ARL6: variants seen among roughly 807,000 people sequenced by gnomAD.
ARL6 encodes ADP-ribosylation factor-like protein 6.
A neutral mutation model predicts 27.1 loss-of-function variants in ARL6; 18 were observed. The observed-to-expected ratio is 0.66, with a 90% CI of 0.46 to 0.98. The LOEUF is 0.98. ARL6 is among the 50% of genes least tolerant of loss of function. The pLI, the probability that ARL6 is intolerant of heterozygous loss-of-function variation, is 0.00. For missense variants in ARL6, 187 were observed against 214.9 expected, an observed-to-expected ratio of 0.87 and a Z score of 0.81; for synonymous variants, 65 against 72.3, an observed-to-expected ratio of 0.90 and a Z score of 0.51.
intron 7 of ARL6, among the ~76,000 whole-genome samples, chr3:97,794,566 C>T (rs1454691349): frequency 6.6e-6 from 1 of 151,832 alleles, no homozygotes; most frequent in African/African-American, 2.4e-5. Context: ...GTCATATTCC[C>T]AACTGTCTCT....
intron 4 of ARL6, among the ~76,000 whole-genome samples, chr3:97,783,164 A>G (rs1338795910): frequency 6.6e-6 from 1 of 151,632 alleles, no homozygotes; most frequent in Non-Finnish European, 1.5e-5. Flanking sequence ...AGAAGAGAAT[A>G]TTGAAAACAT....
At chr3:97,783,478 G>A (rs968713192) in intron 4 of ARL6, among the ~76,000 whole-genome samples, 12 of 151,712 alleles carry the variant, frequency 7.9e-5, no homozygotes, top group African/African-American at 2.4e-4. Context: ...TTTGAAAATT[G>A]TAAACAGTCC....
intron 5 of ARL6, among the ~76,000 whole-genome samples, chr3:97,785,348 A>G (rs1477512355): frequency 1.3e-5 from 2 of 151,026 alleles, no homozygotes; most frequent in Non-Finnish European, 3.0e-5. Context: ...AAAAAAAAAA[A>G]AAATCAGATG....
chr3:97,799,886 T>C lies in ARL6; in HGVS notation c.*1837T>C, dbSNP rs1274829369. 7 of 152,128 alleles carry C rather than the reference T, an allele frequency of 4.6e-5. No individual in the cohort carries two copies. The highest frequency in any genetic ancestry group is 8.8e-5 in the Non-Finnish European group (6 of 67,986). 9.4% of individuals were successfully genotyped at this position (152,128 alleles called of 1,614,324 possible). A position where few individuals can be genotyped will look rare whatever the true frequency, so the allele number is the denominator to read the frequency against. On this transcript the variant is annotated 3_prime_UTR_variant, in exon 8 of 8. Coordinates refer to ENST00000463745, the MANE Select transcript of ARL6 (RefSeq NM_001278293.3). The stretch of plus-strand genomic sequence containing the variant: ...GTATGATAGATATTAGAAATACAGA[T>C]ATATCTGCCAGAATAACAATTAAAA...
intron 4 of ARL6, among the ~76,000 whole-genome samples, chr3:97,782,795 T>C (rs1389308391): frequency 6.6e-6 from 1 of 151,158 alleles, no homozygotes; most frequent in Non-Finnish European, 1.5e-5. Flanking sequence ...CTATAAATAT[T>C]TATCTTTGCT....
intron 2 of ARL6, among the ~76,000 whole-genome samples, chr3:97,774,345 G>A (rs1390641176): frequency 6.7e-6 from 1 of 149,518 alleles, no homozygotes; most frequent in African/African-American, 2.5e-5. Context: ...ATCCCCCCGG[G>A]ATTCTAGAAG....
intron 2 of ARL6, among the ~76,000 whole-genome samples, chr3:97,769,733 GTC>G (rs1258625493): frequency 6.6e-6 from 1 of 151,818 alleles, no homozygotes; most frequent in Non-Finnish European, 1.5e-5. Flanking sequence ...CCTACTCTAT[GTC>G]TCTATGAGAT....
At chr3:97,770,371 T>A (rs1462002123) in intron 2 of ARL6, among the ~76,000 whole-genome samples, 1 of 152,034 alleles carries the variant, frequency 6.6e-6, no homozygotes, top group Non-Finnish European at 1.5e-5. Flanking sequence ...CCCATTTTTT[T>A]AGTCAGATTT....
chr3:97,773,053 C>G (rs2036716981), intron 2 of ARL6, among the ~76,000 whole-genome samples: 1 of 152,054 alleles, frequency 6.6e-6, no homozygotes, highest in African/African-American at 2.4e-5. Flanking sequence ...TCTAGAGGGA[C>G]AGAACTAATA....
At chr3:97,776,557 T>C (rs959214777) in intron 2 of ARL6, among the ~76,000 whole-genome samples, 24 of 152,322 alleles carry the variant, frequency 1.6e-4, no homozygotes, top group African/African-American at 5.0e-4. Flanking sequence ...ATCTTAGTAC[T>C]GGATATTTGT....
chr3:97,769,014 T>C (rs78165617), intron 2 of ARL6, among the ~76,000 whole-genome samples: 2,009 of 152,126 alleles, frequency 0.013, 36 homozygotes, highest in African/African-American at 0.046. Context: ...TAAGCTTACA[T>C]CCACTACTAG....
intron 7 of ARL6, among the ~76,000 whole-genome samples, chr3:97,794,506 G>A (rs1037183505): frequency 6.6e-6 from 1 of 151,824 alleles, no homozygotes; most frequent in African/African-American, 2.4e-5. Context: ...GAGCCACCGC[G>A]CCCGGCCACT....
chr3:97,777,699 T>C (rs966689414), intron 2 of ARL6, among the ~76,000 whole-genome samples: 1 of 152,202 alleles, frequency 6.6e-6, no homozygotes, highest in African/African-American at 2.4e-5. Context: ...GTATTTGTTC[T>C]TGGATAGAGC....
intron 3 of ARL6, 26 bp downstream of exon 3, chr3:97,780,246 A>G: frequency 6.3e-7 from 1 of 1,577,892 alleles, no homozygotes; most frequent in Non-Finnish European, 8.7e-7. Flanking sequence ...CCTTAACAAA[A>G]AAGTTGCTAG....
rs2036759615 is a variant in ARL6 at position 97,773,917 on chromosome 3, G to A, written c.123+5687G>A. ...GTTTGTTTGTTTGTTTGTTTTTCCTGGTGGAGTGACCCAAACCTTCATTCC... is the reference window on the plus strand; with the variant it reads ...GTTTGTTTGTTTGTTTGTTTTTCCTAGTGGAGTGACCCAAACCTTCATTCC... On this transcript the variant is annotated intron_variant, in intron 2 of 7. Transcript: ENST00000463745. Among the ~76,000 whole-genome samples, 4 of 152,240 alleles carry A rather than the reference G, an allele frequency of 2.6e-5. No homozygotes were observed. In the South Asian group the frequency reaches 8.3e-4, roughly 32 times the overall value.
intron 1 of ARL6, among the ~76,000 whole-genome samples, chr3:97,767,115 GTT>G (rs972074916): frequency 6.6e-6 from 1 of 150,932 alleles, no homozygotes; most frequent in Non-Finnish European, 1.5e-5. Flanking sequence ...ATTGCTGATA[GTT>G]TTTTTTTAAG....
At chr3:97,795,320 G>T (rs530325422) in intron 7 of ARL6, among the ~76,000 whole-genome samples, 84 of 152,124 alleles carry the variant, frequency 5.5e-4, no homozygotes, top group Non-Finnish European at 1.1e-3. Context: ...CTTTTAAAAA[G>T]AAATCTTCCC....
Position 97,801,001 on chromosome 3 carries a change from C to G in ARL6, c.*2952C>G, listed in dbSNP as rs1184486222. The G allele has an allele frequency of 6.6e-6, 1 of 152,166 alleles. No individual in the cohort carries two copies. The highest frequency in any genetic ancestry group is 2.4e-5 in the African/African-American group (1 of 41,448). 9.4% of individuals were successfully genotyped at this position (152,166 alleles called of 1,614,324 possible). A position where few individuals can be genotyped will look rare whatever the true frequency, so the allele number is the denominator to read the frequency against. On this transcript the variant is annotated 3_prime_UTR_variant, in exon 8 of 8. Transcript: ENST00000463745. ...ATCACATAGGGGGTTAGAATTTCAACATAGAAATTTTGGGAGAACACAAAC... is the reference window on the plus strand; with the variant it reads ...ATCACATAGGGGGTTAGAATTTCAAGATAGAAATTTTGGGAGAACACAAAC...
At chr3:97,792,730 T>C (rs1220619523) in intron 7 of ARL6, among the ~76,000 whole-genome samples, 1 of 152,200 alleles carries the variant, frequency 6.6e-6, no homozygotes, top group Admixed American at 6.5e-5. Flanking sequence ...AAGAATGGCT[T>C]GAAGCACACA....
Sources: gnomAD v4.1 joint callset for allele counts (sites outside exome capture counted in the v4.1 genomes callset) on GRCh38, gnomAD v4.1.1 for gene constraint, MANE v1.5 for transcripts, NCBI Gene and HGNC (gene_info 2026-07-23, HGNC 2026-07-21) for gene names.